Variants in ZNF410 observed in about 807,000 individuals in gnomAD.
The protein encoded by ZNF410 is zinc finger protein 410, also known as another partner for ARF 1.
Under a neutral mutation model 54.8 loss-of-function variants are expected in ZNF410, and 18 were observed. The observed-to-expected ratio is 0.33, with a 90% CI of 0.23 to 0.49. The LOEUF (loss-of-function observed/expected upper bound fraction) is 0.49. Among genes scored for constraint, ZNF410 ranks in the 20% least tolerant of loss-of-function variants. The pLI is 0.99. For synonymous variants in ZNF410, 191 were observed against 207.3 expected, an observed-to-expected ratio of 0.92 and a Z score of 0.68; for missense variants, 405 against 569.6, an observed-to-expected ratio of 0.71 and a Z score of 2.94.
At chr14:73,909,949 G>A (rs1038126558) in intron 8 of ZNF410, among the ~76,000 whole-genome samples, 1 of 152,168 alleles carries the variant, frequency 6.6e-6, no homozygotes, top group African/African-American at 2.4e-5. Flanking sequence ...AGAGGAGTAA[G>A]ATTTAGTGAC....
chr14:73,891,839 A>G, intron 1 of ZNF410, 188 bp from the exon 2 acceptor site: 1 of 584,504 alleles, frequency 1.7e-6, no homozygotes, highest in South Asian at 2.2e-5. Flanking sequence ...TACTGCATCA[A>G]AGCGTAGTAT....
rs1307317059 is a variant in ZNF410 at position 73,922,169 on chromosome 14, C to T, written c.1233C>T (p.Asn411=). 1 of 1,613,990 alleles carries T rather than the reference C, an allele frequency of 6.2e-7. No individual in the cohort carries two copies. The highest frequency in any genetic ancestry group is 8.5e-7 in the Non-Finnish European group (1 of 1,179,984). ...SQPSLGGESL[N]LPNTNSILGV... is the part of the protein sequence containing the mutation. The stretch of plus-strand genomic sequence containing the variant: ...CCAGCCTTGGTGGAGAGTCCTTGAA[C>T]CTACCAAATACCAATTCTATCCTGG... The change falls in exon 10 of 12, where the codon AAC becomes AAT. Residue 411 remains asparagine (N), a synonymous_variant. Transcript: ENST00000555044.
At chr14:73,931,251 T>C (rs1054204804) in intron 11 of ZNF410, among the ~76,000 whole-genome samples, 1 of 152,156 alleles carries the variant, frequency 6.6e-6, no homozygotes, top group African/African-American at 2.4e-5. Flanking sequence ...ACACAAACAA[T>C]AGTTTGGCTT....
chr14:73,932,206 G>T lies in ZNF410; in HGVS notation c.*665G>T. The T allele has an allele frequency of 3.0e-6, 1 of 334,574 alleles. No homozygotes were observed. The highest frequency in any genetic ancestry group is 5.8e-6 in the Non-Finnish European group (1 of 173,546). 20.7% of individuals were successfully genotyped at this position (334,574 alleles called of 1,614,324 possible). A position where few individuals can be genotyped will look rare whatever the true frequency, so the allele number is the denominator to read the frequency against. ...ATGTTAAGAGGGATTTCATGTTTTTGTTTTTTTAAAGTTAAAAATTACATG... is the reference window on the plus strand; with the variant it reads ...ATGTTAAGAGGGATTTCATGTTTTTTTTTTTTTAAAGTTAAAAATTACATG... On this transcript the variant is annotated 3_prime_UTR_variant, in exon 12 of 12. Coordinates refer to ENST00000555044, the MANE Select transcript of ZNF410 (RefSeq NM_021188.3).
chr14:73,923,610 C>G, intron 11 of ZNF410, 88 bp downstream of exon 11: 1 of 1,496,642 alleles, frequency 6.7e-7, no homozygotes, highest in Non-Finnish European at 9.0e-7. Context: ...TCTCCAGTTT[C>G]CATTTCCTGG....
At chr14:73,896,933 A>G (rs1258144347) in intron 4 of ZNF410, among the ~76,000 whole-genome samples, 4 of 152,206 alleles carry the variant, frequency 2.6e-5, no homozygotes, top group South Asian at 2.1e-4. Context: ...GTATGAAACA[A>G]TGAACATGGA....
chr14:73,915,933 T>A (rs1035993710), intron 8 of ZNF410: 4 of 152,176 alleles, frequency 2.6e-5, no homozygotes, highest in Non-Finnish European at 4.4e-5. Flanking sequence ...GGTTTTGTCA[T>A]AATTTGTTAA....
intron 4 of ZNF410, 42 bp from the exon 5 acceptor site, chr14:73,898,029 C>T: frequency 3.4e-6 from 5 of 1,471,898 alleles, no homozygotes; most frequent in Non-Finnish European, 4.6e-6. Flanking sequence ...AAATAAAAAG[C>T]TTGCTTGGTT....
chr14:73,888,601 A>G lies in ZNF410; in HGVS notation c.-150+1686A>G, dbSNP rs556324148. On this transcript the variant is annotated intron_variant, in intron 1 of 11. Coordinates refer to ENST00000555044, the MANE Select transcript of ZNF410 (RefSeq NM_021188.3). ...AAGATATTTTAATTGTACTCTTTAA[A>G]TGAGTCAATAGTATGGTATGTGAAC... Among the ~76,000 whole-genome samples the G allele has an allele frequency of 1.2e-4, 19 of 152,332 alleles. No individual in the cohort carries two copies. In the East Asian group the frequency reaches 3.5e-3, roughly 28 times the overall value.
intron 3 of ZNF410, among the ~76,000 whole-genome samples, chr14:73,895,758 A>C (rs1184957064): frequency 6.6e-6 from 1 of 152,160 alleles, no homozygotes; most frequent in Non-Finnish European, 1.5e-5. Flanking sequence ...TAAGGTCAGG[A>C]GTTTGAGACC....
chr14:73,921,131 G>A (rs199548833), intron 9 of ZNF410, 26 bp downstream of exon 9: 197 of 1,611,954 alleles, frequency 1.2e-4, no homozygotes, highest in Admixed American at 2.0e-4. Flanking sequence ...ATAGTGGAAC[G>A]CTGTACTACT....
At chr14:73,918,714 T>TACC (rs1555354290) in intron 8 of ZNF410, among the ~76,000 whole-genome samples, 2 of 113,252 alleles carry the variant, frequency 1.8e-5, no homozygotes, top group Non-Finnish European at 3.5e-5. Flanking sequence ...TTTTTTTTTT[T>TACC]CCCCTAAACG....
intron 5 of ZNF410, among the ~76,000 whole-genome samples, chr14:73,901,682 G>C (rs1290489770): frequency 6.6e-6 from 1 of 151,656 alleles, no homozygotes; most frequent in Non-Finnish European, 1.5e-5. Context: ...TGTAATCCCA[G>C]CACTTTGGGT....
In ZNF410 at chr14:73,932,453, C is replaced by T. The variant is rs1461711395; in HGVS notation, c.*912C>T. On this transcript the variant is annotated 3_prime_UTR_variant, in exon 12 of 12. Coordinates refer to ENST00000555044, the MANE Select transcript of ZNF410 (RefSeq NM_021188.3). Reference sequence around the variant, plus strand: ...ATTTCTTAAGCCCAGGTGATAGTTACTCTGTCACCACCAAAAAAGACGCAT... The same window carrying T: ...ATTTCTTAAGCCCAGGTGATAGTTATTCTGTCACCACCAAAAAAGACGCAT... 2.2e-6 allele frequency: 1 copy of T among 455,198 alleles called. No homozygotes were observed. Among genetic ancestry groups the T allele is most frequent in the Non-Finnish European group, 4.4e-6 (1 of 226,620 alleles). 28.2% of individuals were successfully genotyped at this position (455,198 alleles called of 1,614,324 possible).
Position 73,904,064 on chromosome 14 carries a change from A to C in ZNF410, c.685A>C (p.Thr229Pro). 6.2e-7 allele frequency: 1 copy of C among 1,614,172 alleles called. No homozygotes were observed. Among genetic ancestry groups the C allele is most frequent in the Non-Finnish European group, 8.5e-7 (1 of 1,180,036 alleles). Reference sequence around the variant, plus strand: ...GTGTACAGTTGAAGGTTGTGACCGGACATTTGTATGGCCAGCTCACTTTAA... The same window carrying C: ...GTGTACAGTTGAAGGTTGTGACCGGCCATTTGTATGGCCAGCTCACTTTAA... ...LKCTVEGCDR[T>P]FVWPAHFKYH... The change falls in exon 6 of 12, where the codon ACA becomes CCA. Residue 229 changes from threonine (T) to proline (P), a missense_variant. Thr to Pro is a conservative substitution (Grantham distance 38, BLOSUM62 -1). This residue lies in a region of ZNF410 where 247 missense variants were observed against 342.8 expected (regional missense o/e 0.72). Transcript: ENST00000555044.
intron 5 of ZNF410, among the ~76,000 whole-genome samples, chr14:73,902,597 A>G (rs1388976287): frequency 2.0e-5 from 3 of 152,140 alleles, no homozygotes; most frequent in East Asian, 3.8e-4. Flanking sequence ...CACAACATAT[A>G]TATTCTACTT....
intron 1 of ZNF410, among the ~76,000 whole-genome samples, chr14:73,891,115 T>A (rs2055223142): frequency 6.6e-6 from 1 of 152,014 alleles, no homozygotes; most frequent in Admixed American, 6.6e-5. Flanking sequence ...AATGTAATTT[T>A]AAAAATTATC....
chr14:73,888,921 A>G (rs1440606436), intron 1 of ZNF410, among the ~76,000 whole-genome samples: 2 of 152,226 alleles, frequency 1.3e-5, no homozygotes, highest in Non-Finnish European at 2.9e-5. Flanking sequence ...CAAAAATTGT[A>G]TGGTAGTACT....
intron 5 of ZNF410, among the ~76,000 whole-genome samples, chr14:73,899,255 CTT>C (rs80051204): frequency 2.7e-5 from 4 of 146,274 alleles, no homozygotes; most frequent in East Asian, 2.0e-4. Flanking sequence ...AACATTAAAT[CTT>C]TTTTTTTTTT....
Sources: gnomAD v4.1 joint callset for allele counts (sites outside exome capture counted in the v4.1 genomes callset) on GRCh38, gnomAD v4.1.1 for gene constraint, gnomAD v4.1.1 regional missense constraint, MANE v1.5 for transcripts, NCBI Gene and HGNC (gene_info 2026-07-23, HGNC 2026-07-21) for gene names.